GALNT12: variants seen among roughly 807,000 people sequenced by gnomAD.
The protein encoded by GALNT12 is UDP-GalNAc:polypeptide N-acetylgalactosaminyltransferase 12.
Under a neutral mutation model 55.5 loss-of-function variants are expected in GALNT12, and 45 were observed. The observed-to-expected ratio is 0.81, with a 90% CI of 0.64 to 1.04. The LOEUF (loss-of-function observed/expected upper bound fraction) is 1.04, where lower values mean the gene tolerates loss of function less well. Ranked by LOEUF, GALNT12 falls within the 50% of genes least tolerant of loss-of-function variation. The pLI, the probability that GALNT12 is intolerant of heterozygous loss-of-function variation, is 0.00. For synonymous variants in GALNT12, 304 were observed against 312.2 expected (o/e 0.97, Z 0.28); for missense variants, 709 against 754.8 (o/e 0.94, Z 0.71).
At chr9:98,815,462 T>C (rs1175109857) in intron 1 of GALNT12, among the ~76,000 whole-genome samples, 5 of 152,198 alleles carry the variant, frequency 3.3e-5, no homozygotes, top group Non-Finnish European at 5.9e-5. Context: ...CAACTTACGA[T>C]GAGTTTATTG....
intron 8 of GALNT12, chr9:98,844,514 C>T (rs1434200442): frequency 2.7e-6 from 1 of 364,870 alleles, no homozygotes. Context: ...AATATCATTC[C>T]TAGTGGCCAC....
chr9:98,836,058 T>C (rs994906496), intron 5 of GALNT12, among the ~76,000 whole-genome samples: 3 of 152,306 alleles, frequency 2.0e-5, no homozygotes, highest in South Asian at 2.1e-4. Context: ...AATTGCTGGG[T>C]AAACTTGTTA....
rs1835792360 is a variant in GALNT12, at chr9:98,823,489, G to C, written c.541+64G>C. On this transcript the variant is annotated intron_variant, in intron 2 of 9. Transcript: ENST00000375011. ...CTGTAGCAGTGTCTGGGAGGTGAGA[G>C]TGGGATGCAGGAGGGCTAAAGTAGG... 2.0e-6 allele frequency: 3 copies of C among 1,470,918 alleles called. No individual in the cohort carries two copies. In the Admixed American group the frequency reaches 5.0e-5, roughly 25 times the overall value. 91.1% of individuals were successfully genotyped at this position (1,470,918 alleles called of 1,614,324 possible).
At chr9:98,844,443 T>C (rs1836367391) in intron 8 of GALNT12, 2 of 515,916 alleles carry the variant, frequency 3.9e-6, no homozygotes, top group African/African-American at 1.9e-5. Context: ...CTGTATGTTT[T>C]ATATTCCATT....
chr9:98,843,232 A>G (rs1326072882), intron 7 of GALNT12, among the ~76,000 whole-genome samples: 1 of 152,172 alleles, frequency 6.6e-6, no homozygotes, highest in Admixed American at 6.5e-5. Flanking sequence ...TATTTTCTTT[A>G]TCCTAAAATA....
rs764920800 is a variant in GALNT12 at position 98,844,133 on chromosome 9, A to G, written c.1382A>G (p.Tyr461Cys). 6.2e-6 allele frequency: 10 copies of G among 1,613,982 alleles called. No homozygotes were observed. The highest frequency in any genetic ancestry group is 1.1e-5 in the South Asian group (1 of 91,076). The change falls in exon 8 of 10, where the codon TAT becomes TGT. Residue 461 changes from tyrosine (Y) to cysteine (C), a missense_variant. Around this residue, in one of 5 missense-constraint regions of GALNT12, gnomAD observed 262 missense variants for 310.7 expected, o/e 0.84. Transcript: ENST00000375011. ...GGACTAACAGACTACTGCTTTGACT[A>G]TAACCCTCCCGATGAAAACCAGATT... ...NKGLTDYCFD[Y>C]NPPDENQIVG...
At chr9:98,843,516 C>T (rs962005942) in intron 7 of GALNT12, among the ~76,000 whole-genome samples, 1 of 151,996 alleles carries the variant, frequency 6.6e-6, no homozygotes, top group Admixed American at 6.6e-5. Flanking sequence ...AAGTGATTCT[C>T]CCGCCTCAGT....
chr9:98,829,153 T>TAATCTATC (rs761426681), intron 3 of GALNT12, among the ~76,000 whole-genome samples: 7 of 141,982 alleles, frequency 4.9e-5, no homozygotes, highest in Non-Finnish European at 1.1e-4. Flanking sequence ...GTAATTTTTT[T>TAATCTATC]TATCTATCTA....
At chr9:98,845,517 A>T (rs1836390200) in intron 8 of GALNT12, among the ~76,000 whole-genome samples, 1 of 152,076 alleles carries the variant, frequency 6.6e-6, no homozygotes, top group Non-Finnish European at 1.5e-5. Context: ...TAGCGGTCAC[A>T]TTGTCTGCTT....
chr9:98,818,206 T>C (rs1039749038), intron 1 of GALNT12, among the ~76,000 whole-genome samples: 5 of 152,182 alleles, frequency 3.3e-5, no homozygotes, highest in African/African-American at 1.2e-4. Context: ...ATATCGGATG[T>C]CTATAGCTGT....
intron 9 of GALNT12, among the ~76,000 whole-genome samples, chr9:98,848,257 C>A (rs1349480287): frequency 1.3e-5 from 2 of 152,182 alleles, no homozygotes; most frequent in African/African-American, 2.4e-5. Flanking sequence ...TGTTGTTATT[C>A]ACTCTGCCTG....
chr9:98,824,716 G>A (rs1368271937), intron 2 of GALNT12, among the ~76,000 whole-genome samples: 2 of 152,156 alleles, frequency 1.3e-5, no homozygotes, highest in Non-Finnish European at 2.9e-5. Flanking sequence ...TGGCACCTTG[G>A]GCGAGTTGCT....
In GALNT12 at chr9:98,807,721, GGCGCTGCCCGCGGGAACTGCGGCGCGGCC is replaced by G; in HGVS notation, c.25_53del (p.Arg9GlyfsTer86). 1 of 1,177,748 alleles carries G rather than the reference GGCGCTGCCCGCGGGAACTGCGGCGCGGCC, an allele frequency of 8.5e-7. No homozygotes were observed. The highest frequency in any genetic ancestry group is 2.7e-5 in the South Asian group (1 of 36,804). 73.0% of individuals were successfully genotyped at this position (1,177,748 alleles called of 1,614,324 possible). A position where few individuals can be genotyped will look rare whatever the true frequency, so the allele number is the denominator to read the frequency against. Reference sequence around the variant, plus strand: ...CGCATGTGGGGGCGCACGGCGCGGCGGCGCTGCCCGCGGGAACTGCGGCGCGGCCGGGAGGCGCTGTTGGTGCTCCTGGC... The same window carrying G: ...CGCATGTGGGGGCGCACGGCGCGGCGGGGAGGCGCTGTTGGTGCTCCTGGC... On this transcript the variant is annotated frameshift_variant, in exon 1 of 10. Transcript: ENST00000375011. LOFTEE classifies it high-confidence loss of function.
At chr9:98,848,778 G>T in intron 9 of GALNT12, 174 bp from the exon 10 acceptor site, 1 of 741,764 alleles carries the variant, frequency 1.3e-6, no homozygotes, top group Non-Finnish European at 2.3e-6. Flanking sequence ...GCCTGTACAA[G>T]CCTGGTGCTG....
Position 98,849,184 on chromosome 9 carries a change from A to C in GALNT12, c.*92A>C, listed in dbSNP as rs145016561. ...AGCTAAGCAGTGACCAGAACCCACCAAAAACTAGGCTGCATTGCTTTGAAG... is the reference window on the plus strand; with the variant it reads ...AGCTAAGCAGTGACCAGAACCCACCCAAAACTAGGCTGCATTGCTTTGAAG... On this transcript the variant is annotated 3_prime_UTR_variant, in exon 10 of 10. Coordinates refer to ENST00000375011, the MANE Select transcript of GALNT12 (RefSeq NM_024642.5). 5.6e-4 allele frequency: 748 copies of C among 1,339,950 alleles called. No homozygotes were observed. Among genetic ancestry groups the C allele is most frequent in the South Asian group, 9.7e-4 (81 of 83,592 alleles). The allele number at this position is 1,339,950 out of a possible 1,614,324, so 83.0% of individuals were successfully genotyped here.
intron 3 of GALNT12, among the ~76,000 whole-genome samples, 174 bp downstream of exon 3, chr9:98,827,115 T>G (rs1835876114): frequency 6.6e-6 from 1 of 152,210 alleles, no homozygotes; most frequent in Non-Finnish European, 1.5e-5. Flanking sequence ...CGTTAAATGA[T>G]TTAGTGCATG....
In GALNT12 at chr9:98,814,193, T is replaced by C. The variant is rs150197618; in HGVS notation, c.371+6124T>C. Among the ~76,000 whole-genome samples the C allele has an allele frequency of 1.2e-4, 18 of 152,172 alleles. No individual in the cohort carries two copies. The East Asian group carries it at 3.5e-3, about 29-fold the overall frequency. On this transcript the variant is annotated intron_variant, in intron 1 of 9. Coordinates refer to ENST00000375011, the MANE Select transcript of GALNT12 (RefSeq NM_024642.5). ...CTCTGTGTGTATATGCATGTGCTTG[T>C]GTATGTTCAGCCCTCCACAAACCAC... is the stretch of plus-strand genomic sequence containing the variant.
Position 98,831,855 on chromosome 9 carries a change from G to A in GALNT12, c.815G>A (p.Gly272Glu). Residue 272 changes from glycine (G) to glutamate (E), a missense_variant, in exon 4 of 10, where the codon GGG becomes GAG. Transcript: ENST00000375011. Reference sequence around the variant, plus strand: ...ACCTTCGAATACCTGGGGAACTCCGGGGAGCCCCAGATCGGCGGTTTCGAC... The same window carrying A: ...ACCTTCGAATACCTGGGGAACTCCGAGGAGCCCCAGATCGGCGGTTTCGAC... Reference protein sequence around the residue: ...WNTFEYLGNSGEPQIGGFDWR... With the variant: ...WNTFEYLGNSEEPQIGGFDWR... 1 of 1,614,196 alleles carries A rather than the reference G, an allele frequency of 6.2e-7. No homozygotes were observed. The highest frequency in any genetic ancestry group is 8.5e-7 in the Non-Finnish European group (1 of 1,180,036).
intron 5 of GALNT12, among the ~76,000 whole-genome samples, 154 bp from the exon 6 acceptor site, chr9:98,836,818 T>G (rs1457867903): frequency 6.6e-6 from 1 of 152,150 alleles, no homozygotes; most frequent in East Asian, 1.9e-4. Flanking sequence ...GTGTCATGAG[T>G]GTGCCGGGTA....
Sources: gnomAD v4.1 joint callset for allele counts (sites outside exome capture counted in the v4.1 genomes callset) on GRCh38, gnomAD v4.1.1 for gene constraint, gnomAD v4.1.1 regional missense constraint, MANE v1.5 for transcripts, NCBI Gene and HGNC (gene_info 2026-07-23, HGNC 2026-07-21) for gene names.